RECQL: variants seen among roughly 807,000 people sequenced by gnomAD.
RECQL encodes the protein ATP-dependent DNA helicase Q1.
Under a neutral mutation model 75.8 loss-of-function variants are expected in RECQL, and 73 were observed. The ratio of observed to expected loss-of-function variants is 0.96; its 90% CI spans 0.80 to 1.17. RECQL has a LOEUF of 1.17. Among genes scored for constraint, RECQL ranks in the 50% most tolerant of loss-of-function variants. The pLI is 0.00. For missense variants in RECQL, 699 were observed against 772.1 expected (o/e 0.91, Z 1.12); for synonymous variants, 248 against 254.4 (o/e 0.97, Z 0.24).
At chr12:21,496,804 C>T (rs928440406) in intron 2 of RECQL, among the ~76,000 whole-genome samples, 1 of 152,182 alleles carries the variant, frequency 6.6e-6, no homozygotes, top group African/African-American at 2.4e-5. Flanking sequence ...AGGCAACATA[C>T]ACCTAATTTA....
At position 21,481,726 on chromosome 12, in the gene RECQL, G is replaced by A. The variant is rs915672059; in HGVS notation, c.700+1650C>T. Among the ~76,000 whole-genome samples the A allele has an allele frequency of 8.5e-5, 13 of 152,116 alleles. No homozygotes were observed. The South Asian group carries it at 2.7e-3, about 32-fold the overall frequency. ...CTATCCCTGGAGAAACGTAAGAAAG[G>A]GTAAAGACTGAGGTCAGAACCCTAG... On this transcript the variant is annotated intron_variant, in intron 6 of 14. Coordinates refer to ENST00000444129, the MANE Select transcript of RECQL (RefSeq NM_002907.4).
chr12:21,491,551 T>C lies in RECQL; in HGVS notation c.182A>G (p.Tyr61Cys), dbSNP rs758795895. Residue 61 changes from tyrosine to cysteine, a missense_variant, in exon 3 of 15, where the codon TAT becomes TGT. This residue lies in a region of RECQL where 669 missense variants were observed against 713.5 expected (regional missense o/e 0.94). Transcript: ENST00000444129. ...EDSDAGASNE[Y>C]DSSPAAWNKE... ...ATTCCAAGCGGCAGGTGAAGAATCA[T>C]ATTCATTGCTTGCCCCGGCATCAGA... 5 of 1,611,544 alleles carry C rather than the reference T, an allele frequency of 3.1e-6. No individual in the cohort carries two copies. The highest frequency in any genetic ancestry group is 4.2e-6 in the Non-Finnish European group (5 of 1,179,168).
Position 21,483,424 on chromosome 12 carries a change from C to T in RECQL, c.652G>A (p.Val218Met). ...YEARRFTRIA[V>M]DEVHCCSQWG... is the part of the protein sequence containing the mutation. The stretch of plus-strand genomic sequence containing the variant: ...TGACTACAGCAGTGAACTTCATCCA[C>T]AGCAATTCGAGTAAATCTCCTTGCT... Residue 218 changes from valine to methionine, a missense_variant, in exon 6 of 15, where the codon GTG becomes ATG. By Grantham distance (21) the Val-to-Met change is conservative (BLOSUM62 1). This residue lies in a region of RECQL where 669 missense variants were observed against 713.5 expected (regional missense o/e 0.94). Transcript: ENST00000444129. The T allele has an allele frequency of 1.2e-6, 2 of 1,606,122 alleles. No individual in the cohort carries two copies. Among genetic ancestry groups the T allele is most frequent in the Non-Finnish European group, 1.7e-6 (2 of 1,177,816 alleles).
Position 21,491,730 on chromosome 12 carries a change from C to T in RECQL, c.17-14G>A, listed in dbSNP as rs1333708178. On this transcript the variant is annotated splice_polypyrimidine_tract_variant and intron_variant, in intron 2 of 14. Coordinates refer to ENST00000444129, the MANE Select transcript of RECQL (RefSeq NM_002907.4). The stretch of plus-strand genomic sequence containing the variant: ...CCTCAGTTAGAGCTATGGGAGGCAG[C>T]GCGGATACAATGATTAGACAGAGTA... 5.0e-6 allele frequency: 8 copies of T among 1,597,858 alleles called. No homozygotes were observed. The highest frequency in any genetic ancestry group is 2.7e-5 in the African/African-American group (2 of 73,800).
chr12:21,488,881 G>A (rs1036261301), intron 4 of RECQL, among the ~76,000 whole-genome samples: 4 of 152,200 alleles, frequency 2.6e-5, no homozygotes, highest in African/African-American at 9.7e-5. Context: ...CTTTCCACAT[G>A]TCTTACCACT....
chr12:21,482,798 T>C (rs1009882763), intron 6 of RECQL, among the ~76,000 whole-genome samples: 1 of 152,194 alleles, frequency 6.6e-6, no homozygotes, highest in African/African-American at 2.4e-5. Flanking sequence ...GATTTTTGAA[T>C]TTAAGATTTT....
At position 21,483,584 on chromosome 12, in the gene RECQL, GAAA is replaced by G. The variant is rs1447402152; in HGVS notation, c.502-13_502-11del. ...CCCATTTAACATGCTCCTATTAAAA[GAAA>G]AAAATAGACACAATGATAGTAAAAC... is the stretch of plus-strand genomic sequence containing the variant. On this transcript the variant is annotated splice_polypyrimidine_tract_variant and intron_variant, in intron 5 of 14. Transcript: ENST00000444129. The G allele has an allele frequency of 2.3e-5, 36 of 1,542,150 alleles. No homozygotes were observed. Among genetic ancestry groups the G allele is most frequent in the Non-Finnish European group, 3.0e-5 (35 of 1,148,470 alleles).
In RECQL at chr12:21,471,466, C is replaced by T. The variant is rs1385224458; in HGVS notation, c.1629G>A (p.Glu543=). Residue 543 remains glutamate, a synonymous_variant, in exon 13 of 15, where the codon GAG becomes GAA. Transcript: ENST00000444129. Reference sequence around the variant, plus strand: ...GTATTAGAAAGTGTGCAATAATCTTCTCCAGATCTTCACGAGGAAGTGTGG... The same window carrying T: ...GTATTAGAAAGTGTGCAATAATCTTTTCCAGATCTTCACGAGGAAGTGTGG... ...VAPTLPREDL[E]KIIAHFLIQQ... The T allele has an allele frequency of 6.2e-7, 1 of 1,613,072 alleles. No individual in the cohort carries two copies. The highest frequency in any genetic ancestry group is 1.7e-4 in the Middle Eastern group (1 of 6,050).
At chr12:21,498,459 A>G (rs965320049) in intron 2 of RECQL, among the ~76,000 whole-genome samples, 5 of 152,270 alleles carry the variant, frequency 3.3e-5, no homozygotes, top group African/African-American at 7.2e-5. Flanking sequence ...CTTGGTTACC[A>G]AGAAAGAAAT....
At chr12:21,487,495 G>A (rs1297517769) in intron 4 of RECQL, among the ~76,000 whole-genome samples, 1 of 152,138 alleles carries the variant, frequency 6.6e-6, no homozygotes, top group Non-Finnish European at 1.5e-5. Context: ...AATTATATAT[G>A]GCTTTACGTT....
rs1444180748 is a variant in RECQL at position 21,469,019 on chromosome 12, A to G, written c.*1175T>C. 9.4e-5 allele frequency: 29 copies of G among 309,504 alleles called. 1 individual carries two copies. The highest frequency in any genetic ancestry group is 7.8e-4 in the East Asian group (10 of 12,818). The allele number at this position is 309,504 out of a possible 1,614,324, so 19.2% of individuals were successfully genotyped here. On this transcript the variant is annotated 3_prime_UTR_variant, in exon 15 of 15. Transcript: ENST00000444129. ...TTATTTCTGTGTTTTAAACATAAAT[A>G]TGTTTACTTGTGATTTAGCTTTGGA...
chr12:21,477,089 A>C (rs1943102212), intron 7 of RECQL, 97 bp from the exon 8 acceptor site: 2 of 783,596 alleles, frequency 2.6e-6, no homozygotes, highest in East Asian at 2.8e-5. Context: ...TCATGACCAT[A>C]GTGTTTTTTT....
chr12:21,486,429 T>A (rs1285202275), intron 5 of RECQL, 50 bp downstream of exon 5: 3 of 1,518,836 alleles, frequency 2.0e-6, no homozygotes, highest in Non-Finnish European at 2.6e-6. Context: ...GTAAAGCTCC[T>A]ATTTCAGTGA....
chr12:21,484,545 T>C (rs1943253698), intron 5 of RECQL, among the ~76,000 whole-genome samples: 1 of 152,050 alleles, frequency 6.6e-6, no homozygotes, highest in Non-Finnish European at 1.5e-5. Flanking sequence ...CAAAAATATA[T>C]GGGTAAACTA....
chr12:21,477,104 AT>A, intron 7 of RECQL, 112 bp from the exon 8 acceptor site: 1 of 652,404 alleles, frequency 1.5e-6, no homozygotes, highest in Non-Finnish European at 2.5e-6. Context: ...TTTTTTTCCT[AT>A]TACTCTTTCA....
intron 12 of RECQL, among the ~76,000 whole-genome samples, chr12:21,472,180 A>G (rs563669209): frequency 4.2e-4 from 64 of 152,134 alleles, no homozygotes; most frequent in Admixed American, 4.0e-3. Context: ...AAGGCATCAG[A>G]ACTCAGTAAG....
At chr12:21,479,490 T>C (rs1365049930) in intron 6 of RECQL, among the ~76,000 whole-genome samples, 1 of 151,820 alleles carries the variant, frequency 6.6e-6, no homozygotes, top group East Asian at 1.9e-4. Flanking sequence ...GTAGCTGGGA[T>C]TACAGGCATA....
At chr12:21,491,047 C>T (rs1426267674) in intron 3 of RECQL, among the ~76,000 whole-genome samples, 1 of 152,106 alleles carries the variant, frequency 6.6e-6, no homozygotes, top group Non-Finnish European at 1.5e-5. Context: ...ATATCTTGTT[C>T]AGACGTGAAT....
chr12:21,494,857 C>G (rs112894151), intron 2 of RECQL, among the ~76,000 whole-genome samples: 1 of 152,178 alleles, frequency 6.6e-6, no homozygotes, highest in African/African-American at 2.4e-5. Context: ...TATCATCTTC[C>G]AAGTAGACCA....
Sources: gnomAD v4.1 joint callset for allele counts (sites outside exome capture counted in the v4.1 genomes callset) on GRCh38, gnomAD v4.1.1 for gene constraint, gnomAD v4.1.1 regional missense constraint, MANE v1.5 for transcripts, NCBI Gene and HGNC (gene_info 2026-07-23, HGNC 2026-07-21) for gene names.